EIF3H: variants seen among roughly 807,000 people sequenced by gnomAD.
EIF3H encodes the protein eIF-3-gamma.
Under a neutral mutation model 44.2 loss-of-function variants are expected in EIF3H, and 26 were observed. That is an observed-to-expected ratio of 0.59 (90% CI 0.43 to 0.82). The LOEUF (loss-of-function observed/expected upper bound fraction) is 0.82, where lower values mean the gene tolerates loss of function less well. Among genes scored for constraint, EIF3H ranks in the 40% least tolerant of loss-of-function variants. EIF3H has a pLI of 0.00. For synonymous variants in EIF3H, 166 were observed against 151.9 expected (o/e 1.09, Z -0.68); for missense variants, 359 against 432.8 (o/e 0.83, Z 1.51).
chr8:116,643,590 C>CTCA lies in EIF3H; in HGVS notation c.*1415_*1416insTGA. The CTCA allele has an allele frequency of 6.6e-6, 1 of 152,310 alleles. No individual in the cohort carries two copies. The highest frequency in any genetic ancestry group is 2.4e-5 in the African/African-American group (1 of 41,576). The allele number at this position is 152,310 out of a possible 1,614,324, so 9.4% of individuals were successfully genotyped here. A position where few individuals can be genotyped will look rare whatever the true frequency, so the allele number is the denominator to read the frequency against. On this transcript the variant is annotated 3_prime_UTR_variant, in exon 8 of 8. Transcript: ENST00000521861. ...CAAACGTCTTCAACACTCACAGCCA[C>CTCA]CTTGTGAGGTAACAGACCTGCTCTC...
Position 116,740,678 on chromosome 8 carries a change from T to C in EIF3H, c.133-14506A>G, listed in dbSNP as rs146524136. 1.4e-3 allele frequency among the ~76,000 whole-genome samples: 214 copies of C among 152,174 alleles called. 1 individual carries two copies. The highest frequency in any genetic ancestry group is 6.8e-3 in the Middle Eastern group (2 of 294). ...TCTTTATTTCTTTGCAAAAATGTAA[T>C]GTTTGAGTAAAAGAAAAAAATTTTA... is the stretch of plus-strand genomic sequence containing the variant. On this transcript the variant is annotated intron_variant, in intron 1 of 7. Coordinates refer to ENST00000521861, the MANE Select transcript of EIF3H (RefSeq NM_003756.3).
chr8:116,737,246 T>G (rs1342012596), intron 1 of EIF3H: 2 of 447,988 alleles, frequency 4.5e-6, no homozygotes, highest in Non-Finnish European at 8.9e-6. Flanking sequence ...CCTCTTAAAA[T>G]CATCAGCAAT....
At chr8:116,695,619 T>C (rs967135533) in intron 2 of EIF3H, among the ~76,000 whole-genome samples, 5 of 151,818 alleles carry the variant, frequency 3.3e-5, no homozygotes, top group Middle Eastern at 3.2e-3. Context: ...GAGGAAGGTA[T>C]TGGGGATAGG....
At chr8:116,730,732 A>G (rs1179372744) in intron 1 of EIF3H, among the ~76,000 whole-genome samples, 1 of 152,176 alleles carries the variant, frequency 6.6e-6, no homozygotes, top group Non-Finnish European at 1.5e-5. Flanking sequence ...TGATTTACTC[A>G]CCACATCTTC....
intron 2 of EIF3H, among the ~76,000 whole-genome samples, chr8:116,671,110 T>TAGAAATAAACTGTACGACTATAA (rs1206489538): frequency 1.3e-5 from 2 of 152,216 alleles, no homozygotes; most frequent in East Asian, 3.8e-4. Context: ...GCTATACTGA[T>TAGAAATAAACTGTACGACTATAA]AGAAATAAAC....
rs1235674681 is a variant in EIF3H, at chr8:116,644,345, G to C, written c.*661C>G. 6.6e-6 allele frequency: 1 copy of C among 152,406 alleles called. No individual in the cohort carries two copies. The highest frequency in any genetic ancestry group is 1.5e-5 in the Non-Finnish European group (1 of 68,234). 9.4% of individuals were successfully genotyped at this position (152,406 alleles called of 1,614,324 possible). A position where few individuals can be genotyped will look rare whatever the true frequency, so the allele number is the denominator to read the frequency against. ...GTGGAGGTTGCAGCGAGCTGAGATT[G>C]TGCCACTACACTCCAGCCTGGGCAA... On this transcript the variant is annotated 3_prime_UTR_variant, in exon 8 of 8. Transcript: ENST00000521861.
Position 116,646,469 on chromosome 8 carries a change from A to T in EIF3H, c.961+2T>A, listed in dbSNP as rs113765266. Reference sequence around the variant, plus strand: ...GCCAGGTTTTGCACTGGGCAACAATACCTGCAATGAGCAGCGAGTCCATCC... The same window carrying T: ...GCCAGGTTTTGCACTGGGCAACAATTCCTGCAATGAGCAGCGAGTCCATCC... On this transcript the variant is annotated splice_donor_variant, in intron 7 of 7. Coordinates refer to ENST00000521861, the MANE Select transcript of EIF3H (RefSeq NM_003756.3). LOFTEE classifies it high-confidence loss of function. 6.2e-7 allele frequency: 1 copy of T among 1,614,068 alleles called. No homozygotes were observed. Among genetic ancestry groups the T allele is most frequent in the Non-Finnish European group, 8.5e-7 (1 of 1,179,990 alleles).
At chr8:116,673,261 G>C (rs963781783) in intron 2 of EIF3H, among the ~76,000 whole-genome samples, 1 of 152,068 alleles carries the variant, frequency 6.6e-6, no homozygotes, top group Non-Finnish European at 1.5e-5. Flanking sequence ...ACAAAATAGA[G>C]ACTCCAAAAT....
chr8:116,677,306 T>C (rs553374204), intron 2 of EIF3H, among the ~76,000 whole-genome samples: 2 of 151,640 alleles, frequency 1.3e-5, no homozygotes, highest in Non-Finnish European at 2.9e-5. Flanking sequence ...TCAACGTACT[T>C]TGCAATCAAA....
At position 116,661,206 on chromosome 8, in the gene EIF3H, C is replaced by A. The variant is rs564702578; in HGVS notation, c.290-2226G>T. The stretch of plus-strand genomic sequence containing the variant: ...CAAATTTAATTTATGAGTGAAAAGT[C>A]CCAGTATTATAAGTAAAATGGGAGC... On this transcript the variant is annotated intron_variant, in intron 2 of 7. Coordinates refer to ENST00000521861, the MANE Select transcript of EIF3H (RefSeq NM_003756.3). Among the ~76,000 whole-genome samples, 63 of 152,138 alleles carry A rather than the reference C, an allele frequency of 4.1e-4. 1 individual carries two copies. The South Asian group carries it at 0.012, about 29-fold the overall frequency.
At chr8:116,676,047 T>C (rs561582999) in intron 2 of EIF3H, among the ~76,000 whole-genome samples, 23 of 152,210 alleles carry the variant, frequency 1.5e-4, no homozygotes, top group Non-Finnish European at 2.8e-4. Context: ...GTAATAAGTA[T>C]TTAAGCTAAT....
chr8:116,653,348 A>ACACACACACAC (rs10529632), intron 5 of EIF3H, among the ~76,000 whole-genome samples: 2 of 144,576 alleles, frequency 1.4e-5, no homozygotes, highest in Admixed American at 6.9e-5. Context: ...AACAATCAGA[A>ACACACACACAC]ACACACACAC....
At chr8:116,697,809 G>C (rs1419329599) in intron 2 of EIF3H, among the ~76,000 whole-genome samples, 1 of 152,200 alleles carries the variant, frequency 6.6e-6, no homozygotes, top group Admixed American at 6.5e-5. Context: ...GATTGGTCTT[G>C]AAATTTGATG....
intron 1 of EIF3H, among the ~76,000 whole-genome samples, chr8:116,751,584 T>A (rs1461593039): frequency 6.6e-6 from 1 of 152,210 alleles, no homozygotes; most frequent in Non-Finnish European, 1.5e-5. Flanking sequence ...AAATATGAGA[T>A]GCCTATGAGA....
intron 2 of EIF3H, among the ~76,000 whole-genome samples, chr8:116,663,807 T>C (rs1656781638): frequency 6.6e-6 from 1 of 151,814 alleles, no homozygotes; most frequent in Non-Finnish European, 1.5e-5. Flanking sequence ...GGCAGGCGCC[T>C]GTAATCCTAG....
chr8:116,721,613 G>A (rs1814747750), intron 2 of EIF3H, among the ~76,000 whole-genome samples: 1 of 152,230 alleles, frequency 6.6e-6, no homozygotes, highest in Non-Finnish European at 1.5e-5. Flanking sequence ...CAGGAGGGAG[G>A]TTGTACCCTG....
intron 2 of EIF3H, among the ~76,000 whole-genome samples, chr8:116,698,109 G>C (rs1814300495): frequency 6.6e-6 from 1 of 152,034 alleles, no homozygotes; most frequent in Middle Eastern, 3.2e-3. Flanking sequence ...ACTATGTCTT[G>C]ATCATTATAC....
intron 5 of EIF3H, among the ~76,000 whole-genome samples, chr8:116,651,260 C>CAAA (rs2130780108): frequency 6.6e-6 from 1 of 152,104 alleles, no homozygotes; most frequent in South Asian, 2.1e-4. Flanking sequence ...GAAAAGTGAG[C>CAAA]AGAAATGAGA....
At chr8:116,667,839 G>A (rs1387791849) in intron 2 of EIF3H, among the ~76,000 whole-genome samples, 1 of 152,178 alleles carries the variant, frequency 6.6e-6, no homozygotes, top group Non-Finnish European at 1.5e-5. Context: ...ACTGGTGGTA[G>A]TCAACACATT....
Sources: gnomAD v4.1 joint callset for allele counts (sites outside exome capture counted in the v4.1 genomes callset) on GRCh38, gnomAD v4.1.1 for gene constraint, MANE v1.5 for transcripts, NCBI Gene and HGNC (gene_info 2026-07-23, HGNC 2026-07-21) for gene names.